The following SIM1 variants were observed in gnomAD, a reference collection of about 807,000 sequenced individuals.
SIM1 encodes the protein SIM bHLH transcription factor 1.
Under a neutral mutation model 78.2 loss-of-function variants are expected in SIM1, and 18 were observed. That is an observed-to-expected ratio of 0.23 (90% confidence interval 0.16 to 0.34). SIM1 has a LOEUF of 0.34. Among genes scored for constraint, SIM1 ranks in the 10% least tolerant of loss-of-function variants. The pLI, the probability that SIM1 is intolerant of heterozygous loss-of-function variation, is 1.00. For missense variants in SIM1, 939 were observed against 975.1 expected (o/e 0.96, Z 0.49); for synonymous variants, 417 against 385.2 (o/e 1.08, Z -0.97).
In SIM1 at chr6:100,448,467, C is replaced by T. The variant is rs1772421489; in HGVS notation, c.743+12G>A. 3 of 1,612,776 alleles carry T rather than the reference C, an allele frequency of 1.9e-6. No individual in the cohort carries two copies. Among genetic ancestry groups the T allele is most frequent in the Non-Finnish European group, 2.5e-6 (3 of 1,179,470 alleles). On this transcript the variant is annotated intron_variant, in intron 7 of 11. Coordinates refer to ENST00000369208, the MANE Select transcript of SIM1 (RefSeq NM_005068.3). ...AGGCTAGGAGAGGCCCTTTCCGGCC[C>T]TGCCCACCCACCTGGAGTCCAGAAA... is the stretch of plus-strand genomic sequence containing the variant.
chr6:100,428,044 G>A (rs1771781956), intron 9 of SIM1, among the ~76,000 whole-genome samples: 2 of 152,138 alleles, frequency 1.3e-5, no homozygotes, highest in Admixed American at 1.3e-4. Context: ...ATGAGAAAGA[G>A]ATACCTACTA....
chr6:100,450,219 G>C (rs1439057198), intron 4 of SIM1, 48 bp downstream of exon 4: 2 of 1,533,344 alleles, frequency 1.3e-6, no homozygotes, highest in East Asian at 2.2e-5. Context: ...CCTGCTTCCA[G>C]CTCTGGCTGT....
At chr6:100,425,632 T>C (rs907691454) in intron 9 of SIM1, among the ~76,000 whole-genome samples, 4 of 152,224 alleles carry the variant, frequency 2.6e-5, no homozygotes, top group Non-Finnish European at 5.9e-5. Context: ...TTTAGAATTC[T>C]ATTAAATTGA....
chr6:100,409,118 A>G (rs916480438), intron 10 of SIM1, among the ~76,000 whole-genome samples: 1 of 151,648 alleles, frequency 6.6e-6, no homozygotes, highest in African/African-American at 2.4e-5. Flanking sequence ...CTTTTTTTTT[A>G]CATACTTTAA....
At chr6:100,424,085 G>A (rs1010661195) in intron 9 of SIM1, among the ~76,000 whole-genome samples, 1 of 102,508 alleles carries the variant, frequency 9.8e-6, no homozygotes, top group Non-Finnish European at 1.8e-5. Flanking sequence ...CCCCGCCCAG[G>A]GTACGCATCT....
In SIM1 at chr6:100,449,645, C is replaced by G; in HGVS notation, c.403G>C (p.Glu135Gln). The change falls in exon 5 of 12, where the codon GAG becomes CAG. Residue 135 changes from glutamate to glutamine, a missense_variant. Coordinates refer to ENST00000369208, the MANE Select transcript of SIM1 (RefSeq NM_005068.3). The part of the protein sequence containing the change: ...YEYIHPADHD[E>Q]MTAVLTAHQP... ...TGGGCGGTGAGCACCGCCGTCATCT[C>G]GTCGTGGTCTGCCGGGTGAATGTAT... 1 of 1,614,134 alleles carries G rather than the reference C, an allele frequency of 6.2e-7. No homozygotes were observed. The highest frequency in any genetic ancestry group is 1.1e-5 in the South Asian group (1 of 91,088).
intron 9 of SIM1, among the ~76,000 whole-genome samples, chr6:100,429,047 TA>T (rs1192409808): frequency 6.6e-6 from 1 of 152,116 alleles, no homozygotes; most frequent in Non-Finnish European, 1.5e-5. Context: ...ATATATCTTA[TA>T]AAAATAATTA....
At chr6:100,402,470 G>T (rs750801033) in intron 10 of SIM1, among the ~76,000 whole-genome samples, 33 of 151,926 alleles carry the variant, frequency 2.2e-4, no homozygotes, top group Non-Finnish European at 4.1e-4. Flanking sequence ...TTTAAGAGTG[G>T]CGAGGAGGGA....
intron 9 of SIM1, 138 bp downstream of exon 9, chr6:100,447,130 G>T: frequency 3.4e-6 from 3 of 876,526 alleles, no homozygotes; most frequent in Non-Finnish European, 5.2e-6. Context: ...GCCTCCTCTT[G>T]GCGCAGCCAG....
At chr6:100,412,200 C>T (rs1021217199) in intron 10 of SIM1, among the ~76,000 whole-genome samples, 2 of 151,822 alleles carry the variant, frequency 1.3e-5, no homozygotes, top group South Asian at 2.1e-4. Flanking sequence ...TCCCAGGACA[C>T]GGGCAATGGG....
intron 11 of SIM1, among the ~76,000 whole-genome samples, chr6:100,392,612 C>T (rs1010344479): frequency 5.3e-5 from 8 of 152,198 alleles, no homozygotes; most frequent in African/African-American, 1.9e-4. Context: ...AATTACTCAG[C>T]TTCTGAGTGG....
intron 10 of SIM1, among the ~76,000 whole-genome samples, chr6:100,402,384 GT>G (rs1222042229): frequency 6.6e-6 from 1 of 151,900 alleles, no homozygotes; most frequent in East Asian, 1.9e-4. Flanking sequence ...AAATACTCCA[GT>G]TTTCAAAGCT....
intron 9 of SIM1, among the ~76,000 whole-genome samples, 199 bp from the exon 10 acceptor site, chr6:100,421,157 AT>A (rs1031746927): frequency 3.3e-5 from 5 of 151,968 alleles, no homozygotes; most frequent in Admixed American, 1.3e-4. Context: ...TGTATTTTTC[AT>A]TTTTTTTCGT....
intron 10 of SIM1, among the ~76,000 whole-genome samples, chr6:100,402,559 T>C (rs1018035069): frequency 1.2e-4 from 16 of 134,758 alleles, no homozygotes; most frequent in African/African-American, 4.1e-4. Flanking sequence ...TATTTTCTTT[T>C]CTTTTCTCTT....
chr6:100,448,875 C>G (rs1772435187), intron 6 of SIM1, among the ~76,000 whole-genome samples, 197 bp from the exon 7 acceptor site: 1 of 152,160 alleles, frequency 6.6e-6, no homozygotes, highest in Non-Finnish European at 1.5e-5. Flanking sequence ...CTGAACTCAC[C>G]TGGGAGCGCG....
In SIM1 at chr6:100,463,224, G is replaced by A. The variant is rs541948843; in HGVS notation, c.175+70C>T. 184 of 1,379,214 alleles carry A rather than the reference G, an allele frequency of 1.3e-4. No homozygotes were observed. The African/African-American group carries it at 2.5e-3, about 18-fold the overall frequency. The allele number at this position is 1,379,214 out of a possible 1,614,324, so 85.4% of individuals were successfully genotyped here. ...TGTATGCATTTCTCTGGTCACTGAT[G>A]TCGGCTCATTGCCTGGCAAATCCCC... is the stretch of plus-strand genomic sequence containing the variant. On this transcript the variant is annotated intron_variant, in intron 2 of 11. Coordinates refer to ENST00000369208, the MANE Select transcript of SIM1 (RefSeq NM_005068.3).
chr6:100,459,293 A>C (rs528901897), intron 2 of SIM1, among the ~76,000 whole-genome samples: 14 of 152,326 alleles, frequency 9.2e-5, no homozygotes, highest in African/African-American at 3.4e-4. Flanking sequence ...TCTGATCTAC[A>C]ATTTCTAGCA....
At chr6:100,458,672 G>T (rs1212410906) in intron 2 of SIM1, among the ~76,000 whole-genome samples, 2 of 152,184 alleles carry the variant, frequency 1.3e-5, no homozygotes, top group African/African-American at 4.8e-5. Context: ...GACACACCGC[G>T]CAGACCTGGC....
chr6:100,450,506 C>A (rs1424125464), intron 3 of SIM1, 150 bp from the exon 4 acceptor site: 2 of 648,864 alleles, frequency 3.1e-6, no homozygotes, highest in African/African-American at 1.8e-5. Context: ...GAAAACTAGC[C>A]ACATGAGCCC....
Sources: gnomAD v4.1 joint callset for allele counts (sites outside exome capture counted in the v4.1 genomes callset) on GRCh38, gnomAD v4.1.1 for gene constraint, MANE v1.5 for transcripts, NCBI Gene and HGNC (gene_info 2026-07-23, HGNC 2026-07-21) for gene names.